Variants in METAP2 observed in about 807,000 individuals in gnomAD.
The protein encoded by METAP2 is methionyl aminopeptidase 2, also known as methionine aminopeptidase 2.
In METAP2, 25 loss-of-function variants were observed where a neutral mutation model predicts 59.4. That is an observed-to-expected ratio of 0.42 (90% CI 0.31 to 0.59). The LOEUF (loss-of-function observed/expected upper bound fraction) is 0.59, where lower values mean the gene tolerates loss of function less well. METAP2 is among the 20% of genes least tolerant of loss of function. The pLI, the probability that METAP2 is intolerant of heterozygous loss-of-function variation, is 0.16. For synonymous variants in METAP2, 214 were observed against 194.1 expected, an observed-to-expected ratio of 1.10 and a Z score of -0.85; for missense variants, 366 against 581.2, an observed-to-expected ratio of 0.63 and a Z score of 3.81.
At chr12:95,477,350 C>T (rs2076127880) in intron 2 of METAP2, among the ~76,000 whole-genome samples, 1 of 152,146 alleles carries the variant, frequency 6.6e-6, no homozygotes, top group Admixed American at 6.5e-5. Flanking sequence ...CTCAGCCTCC[C>T]AAGGTGCTGG....
chr12:95,482,423 A>G (rs2076165311), intron 2 of METAP2, among the ~76,000 whole-genome samples: 2 of 152,082 alleles, frequency 1.3e-5, no homozygotes, highest in South Asian at 4.1e-4. Flanking sequence ...TAATATTTGT[A>G]CTTCTACTGT....
intron 4 of METAP2, among the ~76,000 whole-genome samples, chr12:95,491,941 A>C (rs56171802): frequency 0.078 from 11,844 of 152,016 alleles, 656 homozygotes; most frequent in Non-Finnish European, 0.12. Flanking sequence ...AGTAGCTGGG[A>C]CTACAGGCAT....
At position 95,501,154 on chromosome 12, in the gene METAP2, C is replaced by T. The variant is rs974786355; in HGVS notation, c.868-2911C>T. ...GCTCCCAAGTAGCCGGGACCACAGG[C>T]GTGTACCACTACACCCAGCTAATTT... On this transcript the variant is annotated intron_variant, in intron 7 of 10. Transcript: ENST00000323666. Among the ~76,000 whole-genome samples, 5 of 151,638 alleles carry T rather than the reference C, an allele frequency of 3.3e-5. 1 individual carries two copies. The highest frequency in any genetic ancestry group is 9.7e-5 in the African/African-American group (4 of 41,334).
chr12:95,490,453 A>C (rs2140147646), intron 4 of METAP2, among the ~76,000 whole-genome samples: 1 of 151,596 alleles, frequency 6.6e-6, no homozygotes, highest in East Asian at 1.9e-4. Flanking sequence ...CAGTTTCTCA[A>C]GTGTATTGTT....
Position 95,515,591 on chromosome 12 carries a change from A to G in METAP2, c.*1687A>G, listed in dbSNP as rs1305673630. 3 of 152,222 alleles carry G rather than the reference A, an allele frequency of 2.0e-5. No homozygotes were observed. In the East Asian group the frequency reaches 5.8e-4, roughly 29 times the overall value. 9.4% of individuals were successfully genotyped at this position (152,222 alleles called of 1,614,324 possible). A position where few individuals can be genotyped will look rare whatever the true frequency, so the allele number is the denominator to read the frequency against. On this transcript the variant is annotated 3_prime_UTR_variant, in exon 11 of 11. Coordinates refer to ENST00000323666, the MANE Select transcript of METAP2 (RefSeq NM_006838.4). ...ACCTTGGCAGTCATGATCTCAAACC[A>G]ATTAGGAGCTCCAAGCTCCCTTCCC...
intron 1 of METAP2, 104 bp from the exon 2 acceptor site, chr12:95,475,966 TG>T: frequency 1.5e-6 from 1 of 658,238 alleles, no homozygotes; most frequent in Non-Finnish European, 2.6e-6. Context: ...TTTCTGTTTT[TG>T]TTTCCTGAGG....
intron 8 of METAP2, among the ~76,000 whole-genome samples, chr12:95,507,842 G>A (rs931712348): frequency 4.0e-5 from 6 of 150,528 alleles, no homozygotes; most frequent in South Asian, 2.1e-4. Flanking sequence ...AATGGTGCGC[G>A]ATCTCGGCTC....
chr12:95,479,701 C>T (rs560220248), intron 2 of METAP2, among the ~76,000 whole-genome samples: 4 of 151,996 alleles, frequency 2.6e-5, no homozygotes, highest in Non-Finnish European at 4.4e-5. Flanking sequence ...CTCTGCCTTC[C>T]GGGTTCCAGC....
rs187959092 is a variant in METAP2, at chr12:95,493,341, G to T, written c.429-715G>T. Among the ~76,000 whole-genome samples the T allele has an allele frequency of 3.8e-4, 58 of 152,262 alleles. 1 individual carries two copies. The East Asian group carries it at 0.01, about 27-fold the overall frequency. On this transcript the variant is annotated intron_variant, in intron 4 of 10. Transcript: ENST00000323666. ...GAAAAAGTTTTTAAAAATTAGCTGG[G>T]TGTGCTGGTATGCACCTGTATACTC...
chr12:95,507,125 C>T (rs1474476853), intron 8 of METAP2, among the ~76,000 whole-genome samples: 3 of 152,152 alleles, frequency 2.0e-5, no homozygotes, highest in African/African-American at 7.2e-5. Flanking sequence ...ATGAAGAAAA[C>T]ACACTTTGGG....
intron 8 of METAP2, among the ~76,000 whole-genome samples, chr12:95,506,820 T>G (rs974907663): frequency 4.6e-5 from 7 of 151,878 alleles, no homozygotes; most frequent in Non-Finnish European, 8.8e-5. Flanking sequence ...ATTTATTTAT[T>G]TATTTATTGA....
In METAP2 at chr12:95,485,905, G is replaced by T. The variant is rs148941453; in HGVS notation, c.352G>T (p.Val118Phe). Residue 118 changes from valine (V) to phenylalanine (F), a missense_variant, in exon 4 of 11, where the codon GTT (valine) becomes TTT (phenylalanine). Coordinates refer to ENST00000323666, the MANE Select transcript of METAP2 (RefSeq NM_006838.4). ...AAAAGTTCAAACAGACCCTCCCTCA[G>T]TTCCAATATGTGACCTGTATCCTAA... The part of the protein sequence containing the change: ...GPKVQTDPPS[V>F]PICDLYPNGV... 6.3e-7 allele frequency: 1 copy of T among 1,579,806 alleles called. No individual in the cohort carries two copies. The highest frequency in any genetic ancestry group is 8.6e-7 in the Non-Finnish European group (1 of 1,167,736).
At chr12:95,511,463 C>T (rs1434102296) in intron 8 of METAP2, among the ~76,000 whole-genome samples, 2 of 127,346 alleles carry the variant, frequency 1.6e-5, no homozygotes, top group Non-Finnish European at 3.1e-5. Flanking sequence ...GTGATCTTGG[C>T]TCACGGCAAC....
intron 3 of METAP2, among the ~76,000 whole-genome samples, chr12:95,485,205 T>C (rs767992518): frequency 6.6e-6 from 1 of 152,228 alleles, no homozygotes; most frequent in Non-Finnish European, 1.5e-5. Flanking sequence ...TGGTACTATT[T>C]AGCCATTTGT....
chr12:95,501,823 T>TG (rs915888645), intron 7 of METAP2, among the ~76,000 whole-genome samples: 1 of 151,868 alleles, frequency 6.6e-6, no homozygotes, highest in African/African-American at 2.4e-5. Context: ...ATTGGCCTTT[T>TG]TTTTTTTACT....
intron 7 of METAP2, among the ~76,000 whole-genome samples, chr12:95,502,641 TC>T (rs371172919): frequency 1.3e-5 from 2 of 152,096 alleles, no homozygotes; most frequent in African/African-American, 4.8e-5. Flanking sequence ...TTGGGGAGTT[TC>T]CAGTCATTAC....
chr12:95,496,787 A>G (rs1356353297), intron 7 of METAP2, among the ~76,000 whole-genome samples: 1 of 139,044 alleles, frequency 7.2e-6, no homozygotes, highest in Non-Finnish European at 1.6e-5. Context: ...TAAAATAGAC[A>G]TTACATAAAA....
intron 8 of METAP2, among the ~76,000 whole-genome samples, chr12:95,505,877 C>T (rs1291767544): frequency 1.3e-5 from 2 of 151,014 alleles, no homozygotes; most frequent in Admixed American, 1.3e-4. Flanking sequence ...GGTGGGTCAC[C>T]TGAGGTCAGG....
intron 2 of METAP2, among the ~76,000 whole-genome samples, chr12:95,477,196 C>G (rs536619325): frequency 1.3e-5 from 2 of 152,140 alleles, no homozygotes; most frequent in Middle Eastern, 6.8e-3. Context: ...CTCCCGAGCT[C>G]AAGCAATTCT....
Sources: allele counts gnomAD v4.1 joint callset (sites outside exome capture counted in the v4.1 genomes callset), GRCh38; gene constraint gnomAD v4.1.1; transcripts MANE v1.5; gene names NCBI Gene and HGNC (gene_info 2026-07-23, HGNC 2026-07-21).